Variants in LINGO2 observed in about 807,000 individuals in gnomAD.
LINGO2 encodes leucine-rich repeat and immunoglobulin-like domain-containing nogo receptor-interacting protein 2.
In LINGO2, 14 loss-of-function variants were observed where a neutral mutation model predicts 30.6. That is an observed-to-expected ratio of 0.46 (90% CI 0.30 to 0.72). The LOEUF (loss-of-function observed/expected upper bound fraction) is 0.72, where lower values mean the gene tolerates loss of function less well. Among genes scored for constraint, LINGO2 ranks in the 30% least tolerant of loss-of-function variants. The pLI is 0.07. For synonymous variants in LINGO2, 317 were observed against 288.5 expected (o/e 1.10, Z -1.00); for missense variants, 729 against 751.7 (o/e 0.97, Z 0.35).
At chr9:28,743,613 C>A in the LINGO2 span, among the ~76,000 whole-genome samples, 21 of 151,984 alleles carry the variant, frequency 1.4e-4, no homozygotes, top group Non-Finnish European at 2.4e-4. Flanking sequence ...CTTTAAAATG[C>A]CATCCCACTC....
the LINGO2 span, among the ~76,000 whole-genome samples, chr9:29,085,840 G>C: frequency 6.6e-6 from 1 of 152,100 alleles, no homozygotes; most frequent in Admixed American, 6.6e-5. Context: ...ATGAGGTTGT[G>C]TAATTTGCCC....
At chr9:28,856,724 G>A in the LINGO2 span, among the ~76,000 whole-genome samples, 1 of 151,888 alleles carries the variant, frequency 6.6e-6, no homozygotes, top group African/African-American at 2.4e-5. Flanking sequence ...TGAACATATG[G>A]GAAATTACTG....
chr9:28,847,583 C>T, the LINGO2 span, among the ~76,000 whole-genome samples: 349 of 146,350 alleles, frequency 2.4e-3, 38 homozygotes, highest in African/African-American at 8.6e-3. Context: ...GCTTTGGAAG[C>T]AACTCCCAAG....
intron 4 of LINGO2, among the ~76,000 whole-genome samples, chr9:28,034,375 A>T (rs1322243883): frequency 6.6e-6 from 1 of 152,176 alleles, no homozygotes; most frequent in East Asian, 1.9e-4. Flanking sequence ...CGTTCTATTT[A>T]GCTCTTCTCT....
At chr9:28,751,275 A>G in the LINGO2 span, among the ~76,000 whole-genome samples, 1 of 130,916 alleles carries the variant, frequency 7.6e-6, no homozygotes, top group Non-Finnish European at 1.6e-5. Flanking sequence ...TGGGTAACGA[A>G]GCAAGATCCA....
intron 2 of LINGO2, among the ~76,000 whole-genome samples, chr9:28,403,671 A>G (rs1176427067): frequency 6.9e-6 from 1 of 143,970 alleles, no homozygotes; most frequent in East Asian, 2.0e-4. Context: ...TTTTTTTTTC[A>G]AAGGATGACC....
chr9:28,799,995 ATTTTCTTTCTT>A, the LINGO2 span, among the ~76,000 whole-genome samples: 1 of 152,102 alleles, frequency 6.6e-6, no homozygotes, highest in Middle Eastern at 3.4e-3. Flanking sequence ...AATGACAGTT[ATTTTCTTTCTT>A]ACTTTAGAAC....
rs151337152 is a variant in LINGO2, at chr9:28,031,696, C to T, written c.-86-19291G>A. ...TCTGCTCTGTCTGTGTCGGCTAAGC[C>T]GATTATTGTTTGTCCAGGGCTGATT... On this transcript the variant is annotated intron_variant, in intron 4 of 5. Coordinates refer to ENST00000379992, the Ensembl canonical transcript of LINGO2. Among the ~76,000 whole-genome samples, 4 of 152,224 alleles carry T rather than the reference C, an allele frequency of 2.6e-5. No homozygotes were observed. In the East Asian group the frequency reaches 5.8e-4, roughly 22 times the overall value.
the LINGO2 span, among the ~76,000 whole-genome samples, chr9:29,131,882 C>T: frequency 2.6e-5 from 4 of 151,082 alleles, no homozygotes; most frequent in Admixed American, 2.0e-4. Context: ...TCACATTTTC[C>T]CTTGGGAAGA....
At chr9:28,949,803 A>G in the LINGO2 span, among the ~76,000 whole-genome samples, 1 of 152,120 alleles carries the variant, frequency 6.6e-6, no homozygotes, top group Non-Finnish European at 1.5e-5. Context: ...CAGAGACACA[A>G]CAAGAAAAAA....
the LINGO2 span, among the ~76,000 whole-genome samples, chr9:29,171,536 A>G: frequency 2.0e-5 from 3 of 151,972 alleles, no homozygotes; most frequent in African/African-American, 7.2e-5. Flanking sequence ...TGCAGAATGT[A>G]CTACATATAA....
intron 1 of LINGO2, among the ~76,000 whole-genome samples, chr9:28,547,166 C>T (rs539777147): frequency 5.9e-5 from 9 of 152,210 alleles, no homozygotes; most frequent in African/African-American, 2.2e-4. Flanking sequence ...ACGTTGTTTA[C>T]CAGCTAGTTT....
intron 1 of LINGO2, among the ~76,000 whole-genome samples, chr9:28,579,590 T>A (rs1257782974): frequency 3.3e-5 from 5 of 152,126 alleles, no homozygotes; most frequent in African/African-American, 1.2e-4. Flanking sequence ...AAATATTATA[T>A]GATTTTGCTC....
chr9:28,535,293 T>C (rs1335184698), intron 1 of LINGO2, among the ~76,000 whole-genome samples: 1 of 152,076 alleles, frequency 6.6e-6, no homozygotes, highest in African/African-American at 2.4e-5. Flanking sequence ...GGTGAAAAAA[T>C]ACACTTTCAA....
At chr9:28,337,278 A>G (rs1825621905) in intron 3 of LINGO2, among the ~76,000 whole-genome samples, 1 of 151,808 alleles carries the variant, frequency 6.6e-6, no homozygotes, top group African/African-American at 2.4e-5. Context: ...AGGAAAAACG[A>G]CCCTCCAAAT....
At chr9:28,868,576 G>A in the LINGO2 span, among the ~76,000 whole-genome samples, 1 of 152,054 alleles carries the variant, frequency 6.6e-6, no homozygotes, top group Non-Finnish European at 1.5e-5. Context: ...TGTTTTGTAG[G>A]TAAATTTAAT....
At chr9:28,506,521 TA>T (rs1564250916) in intron 1 of LINGO2, among the ~76,000 whole-genome samples, 1 of 131,184 alleles carries the variant, frequency 7.6e-6, no homozygotes, top group South Asian at 2.4e-4. Context: ...TATATATATA[TA>T]AACTGTTGGG....
intron 1 of LINGO2, among the ~76,000 whole-genome samples, chr9:28,574,993 T>A (rs996090735): frequency 4.6e-5 from 7 of 152,206 alleles, no homozygotes; most frequent in African/African-American, 1.7e-4. Context: ...AGAAATGTGA[T>A]ACAAATACAT....
chr9:28,128,693 G>C (rs1187505110), intron 4 of LINGO2, among the ~76,000 whole-genome samples: 1 of 152,170 alleles, frequency 6.6e-6, no homozygotes, highest in Non-Finnish European at 1.5e-5. Context: ...ACCTGGGGCT[G>C]AACCAGTGCT....
Sources: allele counts gnomAD v4.1 joint callset (sites outside exome capture counted in the v4.1 genomes callset), GRCh38; gene constraint gnomAD v4.1.1; transcripts MANE v1.5; gene names NCBI Gene and HGNC (gene_info 2026-07-23, HGNC 2026-07-21).